TM9SF2: variants seen among roughly 807,000 people sequenced by gnomAD.
TM9SF2 encodes transmembrane 9 superfamily member 2, also known as 76 kDa membrane protein.
TM9SF2 carries 13 observed loss-of-function variants against 84.9 expected under a neutral mutation model. The observed-to-expected ratio is 0.15, with a 90% confidence interval of 0.10 to 0.24. TM9SF2 has a LOEUF of 0.24. Among genes scored for constraint, TM9SF2 ranks in the 10% least tolerant of loss-of-function variants. The pLI is 1.00. For synonymous variants in TM9SF2, 273 were observed against 285.8 expected (o/e 0.96, Z 0.45); for missense variants, 562 against 818.5 (o/e 0.69, Z 3.82).
intron 13 of TM9SF2, 63 bp from the exon 14 acceptor site, chr13:99,554,241 G>T (rs1980770): frequency 0.071 from 110,418 of 1,559,248 alleles, 12,313 homozygotes; most frequent in East Asian, 0.55. Context: ...ATAATCTCGT[G>T]TAGAGAAGAA....
chr13:99,526,030 A>C (rs1756269537), intron 3 of TM9SF2, among the ~76,000 whole-genome samples: 1 of 152,224 alleles, frequency 6.6e-6, no homozygotes. Context: ...GAGCTCGTTC[A>C]TCCGTGGTAA....
intron 1 of TM9SF2, among the ~76,000 whole-genome samples, chr13:99,507,012 C>T (rs2046091450): frequency 6.6e-6 from 1 of 152,208 alleles, no homozygotes; most frequent in South Asian, 2.1e-4. Context: ...TGCTCCTCTT[C>T]TCACTTTTCA....
chr13:99,556,310 G>C (rs935292257), intron 15 of TM9SF2, among the ~76,000 whole-genome samples: 4 of 152,180 alleles, frequency 2.6e-5, no homozygotes, highest in African/African-American at 9.7e-5. Flanking sequence ...TGCATTTACA[G>C]TGTTGCGCCA....
chr13:99,515,917 A>G (rs1365714609), intron 1 of TM9SF2, among the ~76,000 whole-genome samples: 3 of 152,086 alleles, frequency 2.0e-5, no homozygotes, highest in Non-Finnish European at 4.4e-5. Flanking sequence ...TTTTTAGTAG[A>G]AACGGGGTTT....
chr13:99,551,205 A>G (rs1319893689), intron 12 of TM9SF2, among the ~76,000 whole-genome samples: 1 of 152,226 alleles, frequency 6.6e-6, no homozygotes, highest in Non-Finnish European at 1.5e-5. Flanking sequence ...TGACAAGCCT[A>G]CAAGATTATT....
intron 1 of TM9SF2, among the ~76,000 whole-genome samples, chr13:99,507,003 G>A (rs1042460353): frequency 6.6e-6 from 1 of 151,956 alleles, no homozygotes. Flanking sequence ...TTCTCTTTTT[G>A]CTCCTCTTCT....
intron 1 of TM9SF2, among the ~76,000 whole-genome samples, chr13:99,513,541 TA>T (rs932021303): frequency 2.0e-5 from 3 of 152,228 alleles, no homozygotes; most frequent in African/African-American, 7.2e-5. Context: ...GACAGTGTCC[TA>T]AAATTTTTCA....
chr13:99,521,206 AGTTT>A (rs1437238697), intron 3 of TM9SF2, among the ~76,000 whole-genome samples: 3 of 152,252 alleles, frequency 2.0e-5, no homozygotes, highest in Non-Finnish European at 2.9e-5. Context: ...TCCACTTCAC[AGTTT>A]GTTATTAAAA....
intron 5 of TM9SF2, among the ~76,000 whole-genome samples, chr13:99,537,153 A>C (rs957436397): frequency 6.6e-6 from 1 of 152,196 alleles, no homozygotes; most frequent in Non-Finnish European, 1.5e-5. Flanking sequence ...ATATTTAAAA[A>C]TAGATTAATC....
At chr13:99,558,543 T>G (rs2046332973) in intron 15 of TM9SF2, among the ~76,000 whole-genome samples, 1 of 152,234 alleles carries the variant, frequency 6.6e-6, no homozygotes, top group Non-Finnish European at 1.5e-5. Context: ...AGTCTTCCAC[T>G]TCCTTGGTTG....
chr13:99,537,554 C>A (rs1008166022), intron 5 of TM9SF2, among the ~76,000 whole-genome samples, 185 bp from the exon 6 acceptor site: 4 of 151,930 alleles, frequency 2.6e-5, no homozygotes, highest in Non-Finnish European at 5.9e-5. Flanking sequence ...GAAGCATATA[C>A]CTTCCCCAAT....
intron 1 of TM9SF2, among the ~76,000 whole-genome samples, chr13:99,517,352 C>G (rs1277123703): frequency 6.6e-6 from 1 of 152,194 alleles, no homozygotes; most frequent in Non-Finnish European, 1.5e-5. Flanking sequence ...TCACAAACTC[C>G]TGGCCTCAAG....
intron 13 of TM9SF2, among the ~76,000 whole-genome samples, chr13:99,553,013 A>T (rs1185721726): frequency 6.6e-6 from 1 of 152,226 alleles, no homozygotes; most frequent in Non-Finnish European, 1.5e-5. Flanking sequence ...TTCCCTGCTA[A>T]TATTGGATTT....
chr13:99,505,770 T>C (rs1185693779), intron 1 of TM9SF2, among the ~76,000 whole-genome samples: 1 of 152,230 alleles, frequency 6.6e-6, no homozygotes, highest in Admixed American at 6.5e-5. Context: ...CAAATCTTAG[T>C]GTGCCGAGTG....
intron 4 of TM9SF2, among the ~76,000 whole-genome samples, chr13:99,530,890 TCTCA>T: frequency 6.6e-6 from 1 of 152,054 alleles, no homozygotes; most frequent in East Asian, 1.9e-4. Context: ...AGATGGAGTC[TCTCA>T]CTGTTCCCCA....
chr13:99,521,466 C>A (rs1458355199), intron 3 of TM9SF2, among the ~76,000 whole-genome samples: 1 of 152,158 alleles, frequency 6.6e-6, no homozygotes, highest in Non-Finnish European at 1.5e-5. Context: ...TAGCCACCTT[C>A]CCTGCTTTCT....
At position 99,539,652 on chromosome 13, in the gene TM9SF2, TAAAG is replaced by T. The variant is rs2046249960; in HGVS notation, c.828+98_828+101del. The T allele has an allele frequency of 1.1e-5, 9 of 847,198 alleles. 1 individual carries two copies. In the South Asian group the frequency reaches 1.2e-4, roughly 12 times the overall value. 52.5% of individuals were successfully genotyped at this position (847,198 alleles called of 1,614,324 possible). On this transcript the variant is annotated intron_variant, in intron 7 of 16. Coordinates refer to ENST00000376387, the MANE Select transcript of TM9SF2 (RefSeq NM_004800.3). The stretch of plus-strand genomic sequence containing the variant: ...AATGTTACTGATTATGCTTGTCAAA[TAAAG>T]AAGCTATTAATGAGCTGATTTTTAG...
intron 1 of TM9SF2, among the ~76,000 whole-genome samples, chr13:99,515,062 C>T (rs1171113686): frequency 6.6e-6 from 1 of 152,306 alleles, no homozygotes; most frequent in Admixed American, 6.5e-5. Flanking sequence ...TTAATCATTT[C>T]GTGCTGAGAA....
intron 8 of TM9SF2, among the ~76,000 whole-genome samples, 163 bp downstream of exon 8, chr13:99,540,956 A>C (rs1021445434): frequency 6.6e-6 from 1 of 152,202 alleles, no homozygotes; most frequent in Non-Finnish European, 1.5e-5. Flanking sequence ...CAGGTCCCTT[A>C]ATTTCTCAGC....
Sources: allele counts gnomAD v4.1 joint callset (sites outside exome capture counted in the v4.1 genomes callset), GRCh38; gene constraint gnomAD v4.1.1; transcripts MANE v1.5; gene names NCBI Gene and HGNC (gene_info 2026-07-23, HGNC 2026-07-21).